The following FMN1 variants were observed in gnomAD, a reference collection of about 807,000 sequenced individuals.
FMN1 encodes the protein formin 1, also known as formin-1.
A neutral mutation model predicts 132.4 loss-of-function variants in FMN1; 110 were observed. The observed-to-expected ratio is 0.83, with a 90% CI of 0.71 to 0.97. The LOEUF is 0.97. FMN1 is among the 50% of genes least tolerant of loss of function. The pLI, the probability that FMN1 is intolerant of heterozygous loss-of-function variation, is 0.00. For missense variants in FMN1, 1,792 were observed against 1,705.3 expected (o/e 1.05, Z -0.90); for synonymous variants, 722 against 651.7 (o/e 1.11, Z -1.64).
intron 6 of FMN1, among the ~76,000 whole-genome samples, chr15:33,029,995 A>C (rs1414902228): frequency 6.6e-6 from 1 of 152,188 alleles, no homozygotes; most frequent in South Asian, 2.1e-4. Context: ...GTCTCTACTA[A>C]AAATACAAAA....
In FMN1 at chr15:32,777,664, TAAC is replaced by T. The variant is rs1180006363; in HGVS notation, c.4131-748_4131-746del. Among the ~76,000 whole-genome samples the T allele has an allele frequency of 5.1e-4, 53 of 104,728 alleles. 13 individuals are homozygous for T. The highest frequency in any genetic ancestry group is 1.9e-3 in the African/African-American group (53 of 28,034). The allele number at this position is 104,728 out of a possible 152,430, so 68.7% of individuals were successfully genotyped here. On this transcript the variant is annotated intron_variant, in intron 19 of 20. Transcript: ENST00000616417. ...ACATAACACATTTATATATTACGTA[TAAC>T]ATAACACATTTATATATTACGTATA...
intron 17 of FMN1, among the ~76,000 whole-genome samples, chr15:32,854,410 G>A (rs933320872): frequency 7.9e-5 from 12 of 152,138 alleles, no homozygotes; most frequent in Non-Finnish European, 1.8e-4. Context: ...ACGGTATTGG[G>A]AATGTTTAAG....
At chr15:33,086,522 G>A (rs2038702498) in intron 5 of FMN1, among the ~76,000 whole-genome samples, 3 of 150,188 alleles carry the variant, frequency 2.0e-5, no homozygotes, top group Non-Finnish European at 4.4e-5. Context: ...AGAGGAAAAG[G>A]AAAACCAGAA....
At position 32,968,835 on chromosome 15, in the gene FMN1, G is replaced by T; in HGVS notation, c.2866C>A (p.Pro956Thr). The T allele has an allele frequency of 6.2e-7, 1 of 1,605,152 alleles. No individual in the cohort carries two copies. The highest frequency in any genetic ancestry group is 8.5e-7 in the Non-Finnish European group (1 of 1,173,802). The change falls in exon 8 of 21, where the codon CCC becomes ACC. Residue 956 changes from proline (P) to threonine (T), a missense_variant. This residue lies in a region of FMN1 where 1,150 missense variants were observed against 1,043.1 expected (regional missense o/e 1.10). Coordinates refer to ENST00000616417, the MANE Select transcript of FMN1 (RefSeq NM_001277313.2). The part of the protein sequence containing the change: ...PPPPGLAPPP[P>T]PGLFFGLGSS... ...CCAAGTCCAAAGAAGAGTCCAGGGG[G>T]AGGTGGGGGTGCAAGTCCTGGGGGT...
At chr15:33,044,005 C>G (rs1052021932) in intron 6 of FMN1, among the ~76,000 whole-genome samples, 2 of 152,250 alleles carry the variant, frequency 1.3e-5, no homozygotes, top group Admixed American at 1.3e-4. Context: ...TCCCACTGCC[C>G]AGCCTCTCCC....
chr15:33,008,013 C>T lies in FMN1; in HGVS notation c.2223+1G>A. The T allele has an allele frequency of 1.9e-6, 3 of 1,598,656 alleles. No homozygotes were observed. The highest frequency in any genetic ancestry group is 2.6e-6 in the Non-Finnish European group (3 of 1,171,498). On this transcript the variant is annotated splice_donor_variant, in intron 7 of 20. Coordinates refer to ENST00000616417, the MANE Select transcript of FMN1 (RefSeq NM_001277313.2). LOFTEE classifies it high-confidence loss of function. ...CGTTCAGTAGCATCAAAGAGGCATA[C>T]CTGCAGGTTTTCAATTTCTTCTTTG...
chr15:33,121,061 G>A (rs1049704548), intron 4 of FMN1, among the ~76,000 whole-genome samples: 1 of 152,126 alleles, frequency 6.6e-6, no homozygotes, highest in Non-Finnish European at 1.5e-5. Context: ...GTAAACTGGA[G>A]AACCTTCCAC....
chr15:33,128,243 C>T (rs1218648085), intron 4 of FMN1, among the ~76,000 whole-genome samples: 1 of 151,530 alleles, frequency 6.6e-6, no homozygotes, highest in Non-Finnish European at 1.5e-5. Context: ...ACCATAATTT[C>T]CAACACCCTC....
At chr15:32,783,341 C>A (rs961198795) in intron 19 of FMN1, among the ~76,000 whole-genome samples, 2 of 152,040 alleles carry the variant, frequency 1.3e-5, no homozygotes, top group Non-Finnish European at 2.9e-5. Flanking sequence ...TTATTGGGAG[C>A]CCCAGTAAAT....
chr15:33,079,002 G>A lies in FMN1; in HGVS notation c.2043+9797C>T, dbSNP rs78716515. On this transcript the variant is annotated intron_variant, in intron 5 of 20. Coordinates refer to ENST00000616417, the MANE Select transcript of FMN1 (RefSeq NM_001277313.2). The stretch of plus-strand genomic sequence containing the variant: ...TCCAAAGGGGGCCAAAAACAATCAT[G>A]TGAATTTTAGAGAAAATAAAGTATT... 3.8e-3 allele frequency among the ~76,000 whole-genome samples: 573 copies of A among 152,214 alleles called. 2 individuals are homozygous for A. Among genetic ancestry groups the A allele is most frequent in the Non-Finnish European group, 6.5e-3 (439 of 68,008 alleles).
intron 6 of FMN1, among the ~76,000 whole-genome samples, chr15:33,049,751 C>T (rs186348308): frequency 4.6e-5 from 7 of 152,334 alleles, no homozygotes; most frequent in Non-Finnish European, 1.0e-4. Flanking sequence ...CTGTCCAAAT[C>T]GTGTTCAAAT....
intron 2 of FMN1, among the ~76,000 whole-genome samples, chr15:33,182,289 A>G (rs1459999728): frequency 2.0e-5 from 3 of 152,162 alleles, no homozygotes; most frequent in African/African-American, 7.2e-5. Context: ...AAATGGGTGA[A>G]AATCTTACTC....
At chr15:33,014,088 A>T (rs2034895591) in intron 6 of FMN1, among the ~76,000 whole-genome samples, 1 of 152,234 alleles carries the variant, frequency 6.6e-6, no homozygotes, top group East Asian at 1.9e-4. Context: ...TCCCATCCCA[A>T]CAAGGATGAC....
intron 6 of FMN1, among the ~76,000 whole-genome samples, chr15:33,018,363 A>G (rs902683167): frequency 2.0e-5 from 3 of 152,102 alleles, no homozygotes; most frequent in Non-Finnish European, 4.4e-5. Context: ...CCAAGACATG[A>G]TTAGAGGGTT....
intron 4 of FMN1, among the ~76,000 whole-genome samples, chr15:33,118,047 C>A (rs2039995360): frequency 1.3e-5 from 2 of 152,146 alleles, no homozygotes; most frequent in African/African-American, 4.8e-5. Flanking sequence ...CAAAAATTTT[C>A]TAAAACTGCT....
intron 17 of FMN1, among the ~76,000 whole-genome samples, chr15:32,808,196 C>T (rs2057749001): frequency 6.6e-6 from 1 of 152,212 alleles, no homozygotes; most frequent in African/African-American, 2.4e-5. Flanking sequence ...GTTCCACAGC[C>T]TACCAAGTGA....
chr15:32,861,514 G>A (rs2059267672), intron 16 of FMN1, among the ~76,000 whole-genome samples: 1 of 152,160 alleles, frequency 6.6e-6, no homozygotes, highest in Non-Finnish European at 1.5e-5. Flanking sequence ...GGGACCTCCC[G>A]CAACACAGGC....
At chr15:32,883,509 C>CAA (rs60737133) in intron 16 of FMN1, among the ~76,000 whole-genome samples, 1,981 of 25,900 alleles carry the variant, frequency 0.076, 395 homozygotes, top group Non-Finnish European at 0.11. Flanking sequence ...GAACCTATCT[C>CAA]AAAAAAAAAA....
intron 17 of FMN1, among the ~76,000 whole-genome samples, chr15:32,825,067 C>T (rs912133179): frequency 7.9e-5 from 12 of 152,200 alleles, no homozygotes; most frequent in African/African-American, 2.7e-4. Flanking sequence ...CAATTCCTGT[C>T]TTTTCTACTT....
Sources: allele counts gnomAD v4.1 joint callset (sites outside exome capture counted in the v4.1 genomes callset), GRCh38; gene constraint gnomAD v4.1.1; regional missense constraint gnomAD v4.1.1; transcripts MANE v1.5; gene names NCBI Gene and HGNC (gene_info 2026-07-23, HGNC 2026-07-21).